Variants in ARIH1 observed in about 807,000 individuals in gnomAD.
ARIH1 encodes the protein E3 ubiquitin-protein ligase ARIH1.
A neutral mutation model predicts 85.0 loss-of-function variants in ARIH1; 8 were observed. That is an observed-to-expected ratio of 0.09 (90% CI 0.06 to 0.17). The LOEUF (loss-of-function observed/expected upper bound fraction) is 0.17. Ranked by LOEUF, ARIH1 falls within the 10% of genes least tolerant of loss-of-function variation. The pLI, the probability that ARIH1 is intolerant of heterozygous loss-of-function variation, is 1.00. For synonymous variants in ARIH1, 238 were observed against 253.6 expected (o/e 0.94, Z 0.59); for missense variants, 311 against 718.1 (o/e 0.43, Z 6.48).
At chr15:72,480,486 C>T (rs370706906) in intron 1 of ARIH1, among the ~76,000 whole-genome samples, 2 of 151,962 alleles carry the variant, frequency 1.3e-5, no homozygotes, top group Non-Finnish European at 2.9e-5. Context: ...GTCTCGAACT[C>T]CTGACCTCAA....
chr15:72,500,953 G>A (rs2063900294), intron 1 of ARIH1, among the ~76,000 whole-genome samples: 1 of 152,190 alleles, frequency 6.6e-6, no homozygotes, highest in African/African-American at 2.4e-5. Context: ...TACATTTAAT[G>A]ATACCTTCAT....
At position 72,588,442 on chromosome 15, in the gene ARIH1, G is replaced by A. The variant is rs1479326226; in HGVS notation, c.*5150G>A. The A allele has an allele frequency of 6.6e-6, 1 of 152,080 alleles. No individual in the cohort carries two copies. The highest frequency in any genetic ancestry group is 1.5e-5 in the Non-Finnish European group (1 of 68,020). The allele number at this position is 152,080 out of a possible 1,614,324, so 9.4% of individuals were successfully genotyped here. A position where few individuals can be genotyped will look rare whatever the true frequency, so the allele number is the denominator to read the frequency against. On this transcript the variant is annotated 3_prime_UTR_variant, in exon 14 of 14. Coordinates refer to ENST00000379887, the MANE Select transcript of ARIH1 (RefSeq NM_005744.5). ...TGGAGATTATGATTTAATTGCTTTG[G>A]GTAGGCATCAGTAATTTTTGTAAAG...
At chr15:72,515,030 G>A (rs781067934) in intron 1 of ARIH1, among the ~76,000 whole-genome samples, 5 of 151,892 alleles carry the variant, frequency 3.3e-5, no homozygotes, top group African/African-American at 4.8e-5. Flanking sequence ...TTGTTTTAAG[G>A]TGTTCTTTTT....
chr15:72,535,030 A>G (rs917796578), intron 2 of ARIH1, among the ~76,000 whole-genome samples: 37 of 131,574 alleles, frequency 2.8e-4, no homozygotes, highest in Non-Finnish European at 5.3e-4. Flanking sequence ...GGCTCACTGC[A>G]GGCTCCGCCC....
In ARIH1 at chr15:72,475,002, C is replaced by G. The variant is rs746369007; in HGVS notation, c.363C>G (p.Asn121Lys). 1.3e-6 allele frequency: 2 copies of G among 1,556,680 alleles called. No individual in the cohort carries two copies. Among genetic ancestry groups the G allele is most frequent in the South Asian group, 1.2e-5 (1 of 84,512 alleles). The change falls in exon 1 of 14, where the codon AAC becomes AAG. Residue 121 changes from asparagine to lysine, a missense_variant. Coordinates refer to ENST00000379887, the MANE Select transcript of ARIH1 (RefSeq NM_005744.5). ...QHMVECIREVNEVIQNPATIT... is the reference protein window; with the variant it reads ...QHMVECIREVKEVIQNPATIT... ...TGGTGGAATGTATCCGGGAGGTCAA[C>G]GAGGTCATCCAGGTGAGGGTGGCCG...
chr15:72,478,316 C>G (rs2063802499), intron 1 of ARIH1, among the ~76,000 whole-genome samples: 1 of 151,896 alleles, frequency 6.6e-6, no homozygotes, highest in African/African-American at 2.4e-5. Context: ...GGGGTTTCAC[C>G]ATGTTGGCCA....
intron 1 of ARIH1, among the ~76,000 whole-genome samples, chr15:72,505,296 CTATT>C (rs1298450701): frequency 2.5e-4 from 38 of 152,164 alleles, no homozygotes; most frequent in African/African-American, 8.9e-4. Flanking sequence ...TTTTACATTT[CTATT>C]TATTTGAAAT....
At chr15:72,583,151 CT>C (rs1183654874) in intron 13 of ARIH1, 56 bp from the exon 14 acceptor site, 24 of 1,393,812 alleles carry the variant, frequency 1.7e-5, no homozygotes, top group African/African-American at 2.9e-5. Context: ...GTAAATGCCT[CT>C]TTTTTTATTA....
chr15:72,571,725 A>C (rs1039079855), intron 10 of ARIH1, among the ~76,000 whole-genome samples: 1 of 152,182 alleles, frequency 6.6e-6, no homozygotes, highest in African/African-American at 2.4e-5. Flanking sequence ...AAGAGATAAG[A>C]TTATCTCTTT....
rs944459823 is a variant in ARIH1 at position 72,596,532 on chromosome 15, T to G, written c.*13240T>G. Reference sequence around the variant, plus strand: ...CCGTTATCCGTTTACATTTTTCTCTTGTCTCATACTCTCTTGCTTCTCCTC... The same window carrying G: ...CCGTTATCCGTTTACATTTTTCTCTGGTCTCATACTCTCTTGCTTCTCCTC... On this transcript the variant is annotated 3_prime_UTR_variant, in exon 14 of 14. Transcript: ENST00000379887. The G allele has an allele frequency of 6.6e-6, 1 of 152,242 alleles. No homozygotes were observed. Among genetic ancestry groups the G allele is most frequent in the African/African-American group, 2.4e-5 (1 of 41,468 alleles). 9.4% of individuals were successfully genotyped at this position (152,242 alleles called of 1,614,324 possible). A position where few individuals can be genotyped will look rare whatever the true frequency, so the allele number is the denominator to read the frequency against.
chr15:72,573,296 C>G (rs1051435023), intron 11 of ARIH1, among the ~76,000 whole-genome samples: 3 of 152,288 alleles, frequency 2.0e-5, no homozygotes, highest in East Asian at 3.9e-4. Context: ...CTTGGTGGCT[C>G]ACACCTGTAA....
chr15:72,563,006 A>G (rs1014523036), intron 6 of ARIH1, among the ~76,000 whole-genome samples: 5 of 152,104 alleles, frequency 3.3e-5, no homozygotes, highest in African/African-American at 1.2e-4. Context: ...GAGAAGCAAT[A>G]TAAATAGCTT....
chr15:72,517,093 A>C (rs900665234), intron 1 of ARIH1, among the ~76,000 whole-genome samples: 2 of 152,226 alleles, frequency 1.3e-5, no homozygotes, highest in Non-Finnish European at 2.9e-5. Flanking sequence ...ATAAGGCAGT[A>C]AACTTTGGTT....
intron 3 of ARIH1, among the ~76,000 whole-genome samples, chr15:72,554,935 T>C (rs2064168617): frequency 6.6e-6 from 1 of 152,148 alleles, no homozygotes; most frequent in African/African-American, 2.4e-5. Context: ...GTATTTTTTG[T>C]AGAGACAGGG....
rs2064316109 is a variant in ARIH1 at position 72,586,215 on chromosome 15, C to T, written c.*2923C>T. ...ACACCCATATACAACAGATCCAAGA[C>T]TGGCTGACTTCATTTGAAATGGTTG... On this transcript the variant is annotated 3_prime_UTR_variant, in exon 14 of 14. Coordinates refer to ENST00000379887, the MANE Select transcript of ARIH1 (RefSeq NM_005744.5). 1 of 152,180 alleles carries T rather than the reference C, an allele frequency of 6.6e-6. No homozygotes were observed. The highest frequency in any genetic ancestry group is 2.4e-5 in the African/African-American group (1 of 41,446). The allele number at this position is 152,180 out of a possible 1,614,324, so 9.4% of individuals were successfully genotyped here.
At chr15:72,567,865 C>T (rs143710375) in intron 9 of ARIH1, among the ~76,000 whole-genome samples, 17 of 152,176 alleles carry the variant, frequency 1.1e-4, no homozygotes, top group African/African-American at 4.1e-4. Context: ...TTATTTTGTA[C>T]ATGTAAAGAT....
chr15:72,512,747 T>G (rs535658357), intron 1 of ARIH1, among the ~76,000 whole-genome samples: 8 of 152,180 alleles, frequency 5.3e-5, no homozygotes, highest in African/African-American at 1.9e-4. Flanking sequence ...TCTAATTTTC[T>G]TTGAGATTTC....
chr15:72,538,570 C>A (rs779483814), intron 2 of ARIH1, among the ~76,000 whole-genome samples: 1 of 152,182 alleles, frequency 6.6e-6, no homozygotes, highest in Admixed American at 6.5e-5. Context: ...ACTCAGGATT[C>A]AAGAAGAAGC....
At chr15:72,561,608 T>C in intron 6 of ARIH1, 59 bp downstream of exon 6, 1 of 997,718 alleles carries the variant, frequency 1.0e-6, no homozygotes, top group Admixed American at 2.8e-5. Context: ...AGAAATACTA[T>C]TTTAAAAATT....
Sources: allele counts gnomAD v4.1 joint callset (sites outside exome capture counted in the v4.1 genomes callset), GRCh38; gene constraint gnomAD v4.1.1; transcripts MANE v1.5; gene names NCBI Gene and HGNC (gene_info 2026-07-23, HGNC 2026-07-21).